NEBL: variants seen among roughly 807,000 people sequenced by gnomAD.
NEBL encodes the protein nebulette, also known as LIM and SH3 protein 2.
A neutral mutation model predicts 140.2 loss-of-function variants in NEBL; 122 were observed. That is an observed-to-expected ratio of 0.87 (90% confidence interval 0.75 to 1.01). The LOEUF (loss-of-function observed/expected upper bound fraction) is 1.01, where lower values mean the gene tolerates loss of function less well. NEBL is among the 50% of genes least tolerant of loss of function. The probability of loss-of-function intolerance (pLI) is 0.00; values close to 1 mark genes in which losing one functional copy is unlikely to be tolerated. For missense variants in NEBL, 1,365 were observed against 1,231.3 expected (o/e 1.11, Z -1.62); for synonymous variants, 436 against 398.9 (o/e 1.09, Z -1.11).
At chr10:20,936,369 T>C (rs1358353995) in intron 4 of NEBL, among the ~76,000 whole-genome samples, 4 of 152,330 alleles carry the variant, frequency 2.6e-5, no homozygotes. Flanking sequence ...GTCTAGTCTG[T>C]CTCTCAAATC....
At chr10:21,281,525 T>C (rs1274916734) in intron 1 of NEBL, among the ~76,000 whole-genome samples, 2 of 151,922 alleles carry the variant, frequency 1.3e-5, no homozygotes, top group African/African-American at 2.4e-5. Flanking sequence ...TTAGAGCCAT[T>C]TTAGGTTGAC....
intron 14 of NEBL, among the ~76,000 whole-genome samples, 178 bp from the exon 15 acceptor site, chr10:20,831,761 C>G (rs1472219948): frequency 1.3e-5 from 2 of 151,926 alleles, no homozygotes; most frequent in East Asian, 3.9e-4. Flanking sequence ...CTTAGTATAA[C>G]TTATTCACCA....
chr10:20,930,559 C>T (rs568498780), intron 4 of NEBL, among the ~76,000 whole-genome samples: 122 of 152,284 alleles, frequency 8.0e-4, no homozygotes, highest in Non-Finnish European at 1.4e-3. Flanking sequence ...TCTACCATGG[C>T]CCTGCCTAGT....
At chr10:20,828,779 G>A in intron 16 of NEBL, 145 bp from the exon 17 acceptor site, 1 of 633,590 alleles carries the variant, frequency 1.6e-6, no homozygotes, top group East Asian at 2.8e-5. Context: ...GAGAGAGAGA[G>A]AGAGGTGGAG....
chr10:21,190,830 T>C (rs1386662293), intron 3 of NEBL, among the ~76,000 whole-genome samples: 1 of 152,232 alleles, frequency 6.6e-6, no homozygotes, highest in African/African-American at 2.4e-5. Flanking sequence ...TACATAAAGC[T>C]ATGTAATAGA....
At chr10:20,888,879 G>A in intron 3 of NEBL, among the ~76,000 whole-genome samples, 1 of 152,190 alleles carries the variant, frequency 6.6e-6, no homozygotes, top group East Asian at 1.9e-4. Context: ...ACATAGCTAA[G>A]ACAAACAAAC....
intron 4 of NEBL, among the ~76,000 whole-genome samples, chr10:20,929,007 A>G (rs1326229796): frequency 6.6e-6 from 1 of 152,054 alleles, no homozygotes; most frequent in Non-Finnish European, 1.5e-5. Flanking sequence ...TCATCTCAGT[A>G]GACCCACCTT....
At chr10:21,266,198 T>C (rs1842795069) in intron 1 of NEBL, among the ~76,000 whole-genome samples, 1 of 152,120 alleles carries the variant, frequency 6.6e-6, no homozygotes, top group African/African-American at 2.4e-5. Context: ...TGGACTGCAG[T>C]GATGTGATCT....
chr10:20,876,958 G>A (rs1339393221), intron 5 of NEBL, among the ~76,000 whole-genome samples: 1 of 152,158 alleles, frequency 6.6e-6, no homozygotes, highest in Admixed American at 6.5e-5. Context: ...ATCATTTTCT[G>A]ATTATAGTAT....
At chr10:20,842,408 A>G (rs1472699194) in intron 12 of NEBL, among the ~76,000 whole-genome samples, 1 of 151,800 alleles carries the variant, frequency 6.6e-6, no homozygotes, top group African/African-American at 2.4e-5. Context: ...GAAATGAAGT[A>G]TAAAATGATA....
chr10:20,798,965 C>T (rs562516657), intron 26 of NEBL, among the ~76,000 whole-genome samples: 3 of 152,234 alleles, frequency 2.0e-5, no homozygotes, highest in African/African-American at 4.8e-5. Context: ...ATACAAGTTT[C>T]GCTGCCCGAA....
chr10:21,022,819 C>A (rs1480402171), intron 2 of NEBL, among the ~76,000 whole-genome samples: 4 of 152,204 alleles, frequency 2.6e-5, no homozygotes, highest in African/African-American at 9.6e-5. Flanking sequence ...TCACACACAG[C>A]ATTCGGTTCT....
intron 1 of NEBL, among the ~76,000 whole-genome samples, chr10:21,291,401 G>A (rs1843140023): frequency 6.6e-6 from 1 of 151,240 alleles, no homozygotes; most frequent in Non-Finnish European, 1.5e-5. Flanking sequence ...AGCTACTCAG[G>A]AGGCTGAGGC....
intron 3 of NEBL, among the ~76,000 whole-genome samples, chr10:21,190,393 A>G (rs1841551639): frequency 6.6e-6 from 1 of 152,168 alleles, no homozygotes; most frequent in Non-Finnish European, 1.5e-5. Context: ...CTGAAGCAGG[A>G]GAATTGCTTG....
At chr10:20,916,422 A>G (rs1299301824) in intron 4 of NEBL, among the ~76,000 whole-genome samples, 1 of 152,222 alleles carries the variant, frequency 6.6e-6, no homozygotes, top group Non-Finnish European at 1.5e-5. Flanking sequence ...GTTTCTTGGG[A>G]AAGGGTCTCA....
intron 14 of NEBL, among the ~76,000 whole-genome samples, chr10:20,833,797 C>A (rs544174710): frequency 6.6e-6 from 1 of 151,274 alleles, no homozygotes; most frequent in South Asian, 2.1e-4. Flanking sequence ...ACTAGGAAGG[C>A]AATAATAGCA....
chr10:21,195,576 A>C lies in NEBL; in HGVS notation n.349-23099T>G, dbSNP rs577064823. Among the ~76,000 whole-genome samples the C allele has an allele frequency of 2.6e-3, 390 of 152,330 alleles. 2 individuals carry two copies. Among genetic ancestry groups the C allele is most frequent in the Non-Finnish European group, 3.7e-3 (253 of 68,024 alleles). On this transcript the variant is annotated intron_variant and non_coding_transcript_variant, in intron 3 of 8. Transcript: ENST00000675702. ...AATGACTGGCTAAATACTGGATGTCAGCCATTTAGTTGCATAACTGTCATT... is the reference window on the plus strand; with the variant it reads ...AATGACTGGCTAAATACTGGATGTCCGCCATTTAGTTGCATAACTGTCATT...
chr10:21,287,920 T>C (rs986895877), intron 1 of NEBL, among the ~76,000 whole-genome samples: 2 of 152,074 alleles, frequency 1.3e-5, no homozygotes, highest in Non-Finnish European at 2.9e-5. Flanking sequence ...TGAAACCATC[T>C]CTGAAAAAAA....
chr10:21,084,177 T>G (rs1271320347), intron 2 of NEBL, among the ~76,000 whole-genome samples: 1 of 152,244 alleles, frequency 6.6e-6, no homozygotes, highest in African/African-American at 2.4e-5. Context: ...GGAGTGGCTT[T>G]GAGACTTTCT....
Sources: allele counts gnomAD v4.1 joint callset (sites outside exome capture counted in the v4.1 genomes callset), GRCh38; gene constraint gnomAD v4.1.1; transcripts MANE v1.5; gene names NCBI Gene and HGNC (gene_info 2026-07-23, HGNC 2026-07-21).